SHISA9: variants seen among roughly 807,000 people sequenced by gnomAD.
The protein encoded by SHISA9 is protein shisa-9.
SHISA9 carries 13 observed loss-of-function variants against 38.0 expected under a neutral mutation model. That is an observed-to-expected ratio of 0.34 (90% CI 0.22 to 0.54). The LOEUF (loss-of-function observed/expected upper bound fraction) is 0.54, where lower values mean the gene tolerates loss of function less well. Ranked by LOEUF, SHISA9 falls within the 20% of genes least tolerant of loss-of-function variation. SHISA9 has a pLI of 0.91. For missense variants in SHISA9, 538 were observed against 575.8 expected, an observed-to-expected ratio of 0.93 and a Z score of 0.67; for synonymous variants, 275 against 242.0, an observed-to-expected ratio of 1.14 and a Z score of -1.27.
intron 4 of SHISA9, among the ~76,000 whole-genome samples, chr16:13,214,389 G>A (rs2051148449): frequency 6.6e-6 from 1 of 151,420 alleles, no homozygotes; most frequent in Non-Finnish European, 1.5e-5. Context: ...TTTTTTTTTA[G>A]TAGAAACGGG....
intron 2 of SHISA9, among the ~76,000 whole-genome samples, chr16:13,126,601 C>G (rs1156985954): frequency 8.0e-5 from 8 of 99,510 alleles, no homozygotes; most frequent in Admixed American, 2.4e-4. Flanking sequence ...GAAAGAGAGA[C>G]AGGGAGGGAA....
intron 2 of SHISA9, among the ~76,000 whole-genome samples, chr16:13,127,295 GGAGA>G (rs1258169986): frequency 1.1e-3 from 156 of 136,098 alleles, no homozygotes; most frequent in African/African-American, 3.9e-3. Flanking sequence ...AGAGATGGAG[GGAGA>G]GAGAGAGAGT....
the SHISA9 span, among the ~76,000 whole-genome samples, chr16:13,540,557 A>G: frequency 1.3e-5 from 2 of 152,030 alleles, no homozygotes; most frequent in Non-Finnish European, 2.9e-5. Flanking sequence ...CTTTATTTCT[A>G]CCTCCTCTTT....
chr16:13,361,975 C>T, the SHISA9 span, among the ~76,000 whole-genome samples: 2 of 152,216 alleles, frequency 1.3e-5, no homozygotes, highest in Non-Finnish European at 2.9e-5. Context: ...GACCTAGAGT[C>T]AAACCCCGTT....
chr16:13,302,154 A>C, the SHISA9 span, among the ~76,000 whole-genome samples: 1 of 152,132 alleles, frequency 6.6e-6, no homozygotes, highest in African/African-American at 2.4e-5. Flanking sequence ...CAGTTGTGTC[A>C]TGGTGGTTAA....
the SHISA9 span, among the ~76,000 whole-genome samples, chr16:13,264,170 CT>C: frequency 0.089 from 11,089 of 124,272 alleles, 457 homozygotes; most frequent in South Asian, 0.19. Context: ...TGTTTTAAAT[CT>C]TTTTTTTTTT....
chr16:12,921,302 C>G (rs541555988), intron 2 of SHISA9, among the ~76,000 whole-genome samples: 4 of 152,336 alleles, frequency 2.6e-5, no homozygotes, highest in Non-Finnish European at 4.4e-5. Flanking sequence ...CACCCTGACT[C>G]TCCTAGGACA....
chr16:13,096,833 GCT>G (rs2073833043), intron 2 of SHISA9, among the ~76,000 whole-genome samples: 1 of 152,042 alleles, frequency 6.6e-6, no homozygotes, highest in Non-Finnish European at 1.5e-5. Flanking sequence ...TCAACTGGGA[GCT>G]CTCTCTTCCC....
chr16:13,285,047 T>C, the SHISA9 span, among the ~76,000 whole-genome samples: 1 of 152,206 alleles, frequency 6.6e-6, no homozygotes, highest in Non-Finnish European at 1.5e-5. Flanking sequence ...AGGCCGGTTT[T>C]TGGTATTCAT....
intron 2 of SHISA9, among the ~76,000 whole-genome samples, chr16:12,978,045 A>AG (rs2072188388): frequency 6.6e-6 from 1 of 152,298 alleles, no homozygotes; most frequent in South Asian, 2.1e-4. Context: ...GATGGGGGAG[A>AG]GGTAGGATTT....
At chr16:13,211,794 C>A (rs2051122402) in intron 3 of SHISA9, among the ~76,000 whole-genome samples, 1 of 152,216 alleles carries the variant, frequency 6.6e-6, no homozygotes, top group African/African-American at 2.4e-5. Context: ...AGGCAAACAG[C>A]AATGGATTTA....
At chr16:13,452,328 A>G in the SHISA9 span, among the ~76,000 whole-genome samples, 1 of 152,232 alleles carries the variant, frequency 6.6e-6, no homozygotes, top group African/African-American at 2.4e-5. Flanking sequence ...CAGGGTGAAA[A>G]TGCAAGAAAG....
At chr16:13,141,059 C>A (rs757558646) in intron 2 of SHISA9, among the ~76,000 whole-genome samples, 2 of 151,964 alleles carry the variant, frequency 1.3e-5, no homozygotes, top group Non-Finnish European at 2.9e-5. Flanking sequence ...AGCCTTTCAC[C>A]GAATCCCCTT....
intron 2 of SHISA9, among the ~76,000 whole-genome samples, chr16:12,939,295 G>A (rs2071577973): frequency 6.6e-6 from 1 of 152,166 alleles, no homozygotes; most frequent in African/African-American, 2.4e-5. Flanking sequence ...TGTTGGCCAA[G>A]CTGGTCTCAA....
intron 2 of SHISA9, among the ~76,000 whole-genome samples, chr16:12,992,020 C>T (rs920155525): frequency 2.0e-5 from 3 of 151,948 alleles, no homozygotes; most frequent in Non-Finnish European, 4.4e-5. Context: ...CATAGGTGCT[C>T]AACAAATATT....
At chr16:13,127,948 C>T (rs190205263) in intron 2 of SHISA9, among the ~76,000 whole-genome samples, 117 of 152,308 alleles carry the variant, frequency 7.7e-4, no homozygotes, top group South Asian at 2.1e-4. Flanking sequence ...CTAAGCACTG[C>T]GATTGTTCAA....
the SHISA9 span, chr16:13,458,312 T>G: frequency 3.8e-6 from 1 of 263,220 alleles, no homozygotes; most frequent in African/African-American, 2.3e-5. Flanking sequence ...ATCATAAAAA[T>G]TATTGAGACT....
intron 2 of SHISA9, among the ~76,000 whole-genome samples, chr16:13,078,842 A>T (rs776669610): frequency 2.0e-5 from 3 of 152,172 alleles, no homozygotes; most frequent in Admixed American, 1.3e-4. Context: ...CAGCAACCTG[A>T]TGGTGGAGAT....
chr16:13,438,366 C>T, the SHISA9 span, among the ~76,000 whole-genome samples: 3 of 151,966 alleles, frequency 2.0e-5, no homozygotes, highest in East Asian at 1.9e-4. Context: ...ATCATTGTGG[C>T]GTTTGTATCA....
Sources: gnomAD v4.1 joint callset for allele counts (sites outside exome capture counted in the v4.1 genomes callset) on GRCh38, gnomAD v4.1.1 for gene constraint, MANE v1.5 for transcripts, NCBI Gene and HGNC (gene_info 2026-07-23, HGNC 2026-07-21) for gene names.